CES5A: variants seen among roughly 807,000 people sequenced by gnomAD.
CES5A encodes carboxylesterase 5.
A neutral mutation model predicts 62.9 loss-of-function variants in CES5A; 67 were observed. The ratio of observed to expected loss-of-function variants is 1.07; its 90% CI spans 0.88 to 1.31. CES5A has a LOEUF of 1.31. Among genes scored for constraint, CES5A ranks in the 50% most tolerant of loss-of-function variants. The pLI, the probability that CES5A is intolerant of heterozygous loss-of-function variation, is 0.00. For missense variants in CES5A, 748 were observed against 708.5 expected (o/e 1.06, Z -0.63); for synonymous variants, 296 against 280.8 (o/e 1.05, Z -0.54).
chr16:55,873,024 A>G (rs796112383), intron 2 of CES5A, among the ~76,000 whole-genome samples: 1 of 152,080 alleles, frequency 6.6e-6, no homozygotes, highest in African/African-American at 2.4e-5. Flanking sequence ...CAGTCCTTGG[A>G]CCACATGGGG....
At chr16:55,943,462 C>G (rs747842868) in intron 2 of CES5A, among the ~76,000 whole-genome samples, 1 of 152,230 alleles carries the variant, frequency 6.6e-6, no homozygotes, top group African/African-American at 2.4e-5. Context: ...ATCCCTTTCT[C>G]TCTGGCATTA....
intron 3 of CES5A, among the ~76,000 whole-genome samples, chr16:55,870,791 T>A (rs2033567444): frequency 6.6e-6 from 1 of 152,216 alleles, no homozygotes; most frequent in Admixed American, 6.5e-5. Context: ...TATTTATATA[T>A]TTAATAACAA....
chr16:55,859,530 A>G lies in CES5A; in HGVS notation c.1056+17T>C. 1 of 1,608,198 alleles carries G rather than the reference A, an allele frequency of 6.2e-7. No homozygotes were observed. Among genetic ancestry groups the G allele is most frequent in the East Asian group, 2.2e-5 (1 of 44,860 alleles). ...ACGGTTTGAGGGAGTGGCAGTATGGACAGCCAGAATTCTTACCATAGGCAG... is the reference window on the plus strand; with the variant it reads ...ACGGTTTGAGGGAGTGGCAGTATGGGCAGCCAGAATTCTTACCATAGGCAG... On this transcript the variant is annotated intron_variant, in intron 8 of 12. Coordinates refer to ENST00000290567, the MANE Select transcript of CES5A (RefSeq NM_001143685.2).
Position 55,934,657 on chromosome 16 carries a change from G to GGTGT in CES5A, c.160+15124_160+15127dup, listed in dbSNP as rs758446998. 6.3e-3 allele frequency among the ~76,000 whole-genome samples: 854 copies of GGTGT among 135,600 alleles called. 8 individuals are homozygous for GGTGT. Among genetic ancestry groups the GGTGT allele is most frequent in the African/African-American group, 0.023 (802 of 34,818 alleles). 89.0% of individuals were successfully genotyped at this position (135,600 alleles called of 152,430 possible). A position where few individuals can be genotyped will look rare whatever the true frequency, so the allele number is the denominator to read the frequency against. On this transcript the variant is annotated intron_variant, in intron 2 of 13. Coordinates refer to the CES5A transcript ENST00000521992. ...CAATAGAAACCAAGAAATTGTGTGG[G>GGTGT]GTGTGTGTGTGTGTGTGTGTGCGCG... is the stretch of plus-strand genomic sequence containing the variant.
intron 2 of CES5A, among the ~76,000 whole-genome samples, chr16:55,935,531 T>C (rs1597156724): frequency 6.6e-6 from 1 of 152,272 alleles, no homozygotes; most frequent in East Asian, 1.9e-4. Context: ...ACACGTAAAA[T>C]TAATCATCAC....
At chr16:55,901,616 T>G (rs1359031604) in intron 1 of CES5A, among the ~76,000 whole-genome samples, 7 of 152,170 alleles carry the variant, frequency 4.6e-5, no homozygotes, top group Admixed American at 4.6e-4. Context: ...CCAGATTTTC[T>G]ATTTATCGAG....
At position 55,954,079 on chromosome 16, in the gene CES5A, ACT is replaced by A. The variant is rs200124098; in HGVS notation, c.42+1763_42+1764del. Among the ~76,000 whole-genome samples, 1,346 of 152,032 alleles carry A rather than the reference ACT, an allele frequency of 8.9e-3. 19 individuals carry two copies. Among genetic ancestry groups the A allele is most frequent in the African/African-American group, 0.027 (1,108 of 41,470 alleles). On this transcript the variant is annotated intron_variant, in intron 1 of 13. Coordinates refer to the CES5A transcript ENST00000521992. ...GCCAGCCTCTGGTAACCATCATTCT[ACT>A]CTCTATCTCCATGAGTTCAATTGTT...
intron 11 of CES5A, among the ~76,000 whole-genome samples, chr16:55,847,262 C>CCCCTCTCTCTT (rs2033033781): frequency 1.3e-5 from 2 of 150,134 alleles, no homozygotes; most frequent in African/African-American, 4.9e-5. Context: ...CCCTCTCTCT[C>CCCCTCTCTCTT]CCCTCTCTCT....
chr16:55,853,372 G>T (rs1819829), intron 9 of CES5A, among the ~76,000 whole-genome samples: 107,151 of 152,088 alleles, frequency 0.7, 37,871 homozygotes, highest in East Asian at 0.77. Context: ...TCAGTGCAAA[G>T]TAAAAACATA....
intron 2 of CES5A, among the ~76,000 whole-genome samples, chr16:55,935,505 T>C (rs2034363826): frequency 6.6e-6 from 1 of 152,196 alleles, no homozygotes; most frequent in African/African-American, 2.4e-5. Context: ...GGGCACCCCA[T>C]GGCCCAGTCA....
At chr16:55,897,677 T>G (rs1257159407) in intron 1 of CES5A, among the ~76,000 whole-genome samples, 1 of 152,206 alleles carries the variant, frequency 6.6e-6, no homozygotes, top group African/African-American at 2.4e-5. Flanking sequence ...ATGGGACAGA[T>G]AGTTTCATGT....
intron 1 of CES5A, among the ~76,000 whole-genome samples, chr16:55,889,416 A>T (rs1225015875): frequency 6.6e-6 from 1 of 152,058 alleles, no homozygotes; most frequent in African/African-American, 2.4e-5. Context: ...GATTCCCATG[A>T]CCCCTCCTTA....
At chr16:55,881,569 T>C (rs567873056) in intron 1 of CES5A, among the ~76,000 whole-genome samples, 2 of 152,300 alleles carry the variant, frequency 1.3e-5, no homozygotes, top group East Asian at 3.9e-4. Context: ...GATGACAGCC[T>C]ACAGCAAATG....
At chr16:55,872,842 T>C (rs1265724167) in intron 2 of CES5A, among the ~76,000 whole-genome samples, 2 of 152,144 alleles carry the variant, frequency 1.3e-5, no homozygotes, top group African/African-American at 4.8e-5. Flanking sequence ...TCAATTACTG[T>C]TTACGTTCCT....
chr16:55,937,158 AC>A (rs1338766021), intron 2 of CES5A, among the ~76,000 whole-genome samples: 2 of 152,110 alleles, frequency 1.3e-5, no homozygotes, highest in Non-Finnish European at 2.9e-5. Context: ...TTCAAGACCC[AC>A]CTCAAGATCT....
chr16:55,909,628 T>A (rs1374739525), intron 1 of CES5A, among the ~76,000 whole-genome samples: 3 of 151,856 alleles, frequency 2.0e-5, no homozygotes, highest in Admixed American at 1.3e-4. Flanking sequence ...GATCTCACCC[T>A]CTCTTGAGTT....
intron 1 of CES5A, among the ~76,000 whole-genome samples, chr16:55,951,103 CAAAAAAAA>C (rs55951124): frequency 5.2e-4 from 23 of 44,378 alleles, no homozygotes; most frequent in African/African-American, 2.5e-3. Flanking sequence ...GACTCCATCT[CAAAAAAAA>C]AAAAAAAAAA....
At chr16:55,897,244 TG>T (rs1349437053) in intron 1 of CES5A, among the ~76,000 whole-genome samples, 11 of 152,062 alleles carry the variant, frequency 7.2e-5, no homozygotes, top group Admixed American at 6.5e-5. Context: ...TGCTGTCCTA[TG>T]TAGGAAACAA....
In CES5A at chr16:55,863,056, A is replaced by G. The variant is rs2033385349; in HGVS notation, c.810+292T>C. ...TAGCGTAGGCACAGAAGAACTGTAT[A>G]GAATACAGGGGACTGACTTATCTAT... On this transcript the variant is annotated intron_variant, in intron 6 of 12. Transcript: ENST00000290567. Among the ~76,000 whole-genome samples the G allele has an allele frequency of 1.3e-5, 2 of 152,248 alleles. 1 individual carries two copies. Among genetic ancestry groups the G allele is most frequent in the South Asian group, 4.1e-4 (2 of 4,836 alleles).
Sources: gnomAD v4.1 joint callset for allele counts (sites outside exome capture counted in the v4.1 genomes callset) on GRCh38, gnomAD v4.1.1 for gene constraint, MANE v1.5 for transcripts, NCBI Gene and HGNC (gene_info 2026-07-23, HGNC 2026-07-21) for gene names.